BRF1: variants seen among roughly 807,000 people sequenced by gnomAD.
The protein encoded by BRF1 is transcription factor IIIB 90 kDa subunit.
Under a neutral mutation model 81.7 loss-of-function variants are expected in BRF1, and 59 were observed. The ratio of observed to expected loss-of-function variants is 0.72; its 90% CI spans 0.59 to 0.90. The LOEUF (loss-of-function observed/expected upper bound fraction) is 0.90, where lower values mean the gene tolerates loss of function less well. Ranked by LOEUF, BRF1 falls within the 40% of genes least tolerant of loss-of-function variation. The pLI is 0.00. For synonymous variants in BRF1, 491 were observed against 395.6 expected, an observed-to-expected ratio of 1.24 and a Z score of -2.86; for missense variants, 1,050 against 936.3, an observed-to-expected ratio of 1.12 and a Z score of -1.58.
At chr14:105,241,166 C>A (rs1043959545) in intron 6 of BRF1, 99 bp downstream of exon 6, 1 of 1,538,786 alleles carries the variant, frequency 6.5e-7, no homozygotes, top group South Asian at 1.2e-5. Flanking sequence ...TCTCAGTGCT[C>A]TGCAAACATA....
rs118003663 is a variant in BRF1 at position 105,228,925 on chromosome 14, C to T, written c.695-12G>A. The T allele has an allele frequency of 3.6e-3, 5,747 of 1,612,822 alleles. 113 individuals carry two copies. In the East Asian group the frequency reaches 0.04, roughly 11 times the overall value. On this transcript the variant is annotated splice_polypyrimidine_tract_variant and intron_variant, in intron 6 of 17. Transcript: ENST00000547530. ...TGCAACCAGGAGCGCTGGAAGGCAA[C>T]GAGACGGGCCTCGTCAACCACGGCT... is the stretch of plus-strand genomic sequence containing the variant.
chr14:105,219,410 T>C, intron 12 of BRF1, 178 bp from the exon 13 acceptor site: 1 of 1,374,852 alleles, frequency 7.3e-7, no homozygotes. Flanking sequence ...TGGGGACCTG[T>C]TGCTCTGTGG....
At chr14:105,288,446 C>T (rs925441083) in intron 1 of BRF1, among the ~76,000 whole-genome samples, 7 of 147,946 alleles carry the variant, frequency 4.7e-5, no homozygotes, top group Admixed American at 6.8e-5. Context: ...AGCAAGACTC[C>T]GTCTCAAAAA....
At chr14:105,218,592 A>G (rs1055533318) in intron 14 of BRF1, among the ~76,000 whole-genome samples, 11 of 152,194 alleles carry the variant, frequency 7.2e-5, no homozygotes, top group Non-Finnish European at 1.3e-4. Flanking sequence ...ACATTCCGCC[A>G]GAGAGTAAGC....
In BRF1 at chr14:105,210,398, G is replaced by C. The variant is rs1467032286; in HGVS notation, c.*153C>G. Reference sequence around the variant, plus strand: ...AATAGAAACACAATCCCAATGGTAAGTTCCACATGGGACGAGGGCTGTGGG... The same window carrying C: ...AATAGAAACACAATCCCAATGGTAACTTCCACATGGGACGAGGGCTGTGGG... On this transcript the variant is annotated 3_prime_UTR_variant, in exon 18 of 18. Transcript: ENST00000547530. The surrounding 1 kb of genome is among the most constrained non-coding windows in gnomAD (Gnocchi z 4.7). The C allele has an allele frequency of 1.3e-6, 1 of 760,580 alleles. No individual in the cohort carries two copies. The allele number at this position is 760,580 out of a possible 1,614,324, so 47.1% of individuals were successfully genotyped here.
chr14:105,249,153 G>A, intron 5 of BRF1: 1 of 1,570,908 alleles, frequency 6.4e-7, no homozygotes, highest in Non-Finnish European at 8.6e-7. Flanking sequence ...CTCTACCTTT[G>A]CAGGAACGCG....
At chr14:105,229,495 A>T (rs368846087) in intron 6 of BRF1, among the ~76,000 whole-genome samples, 3 of 152,166 alleles carry the variant, frequency 2.0e-5, no homozygotes, top group African/African-American at 7.2e-5. Flanking sequence ...GGCCCTGCCG[A>T]CCTGGGGCTC....
intron 7 of BRF1, chr14:105,227,387 T>G (rs958232915): frequency 6.6e-6 from 1 of 152,534 alleles, no homozygotes; most frequent in Admixed American, 6.5e-5. Flanking sequence ...GCCACTGTAC[T>G]CCAGCCTGGG....
chr14:105,217,760 C>G lies in BRF1; in HGVS notation c.1556G>C (p.Ser519Thr). The G allele has an allele frequency of 6.2e-7, 1 of 1,613,360 alleles. No homozygotes were observed. The highest frequency in any genetic ancestry group is 8.5e-7 in the Non-Finnish European group (1 of 1,179,998). Residue 519 changes from serine (S) to threonine (T), a missense_variant, in exon 15 of 18, where the codon AGT becomes ACT. Coordinates refer to ENST00000547530, the MANE Select transcript of BRF1 (RefSeq NM_001519.4). ...CTTCTCGATGGCCTCCCTGGCGGTA[C>G]TGGCCTGAATTGGCTCCCGTCGCTT... ...SCKRREPIQA[S>T]TAREAIEKML... is the part of the protein sequence containing the mutation.
At chr14:105,304,454 C>T (rs950801945), upstream of BRF1, among the ~76,000 whole-genome samples, 9 of 152,086 alleles carry the variant, frequency 5.9e-5, no homozygotes, top group African/African-American at 1.9e-4. Flanking sequence ...CGTCATTGCA[C>T]TTCAGCCTGG....
At chr14:105,212,722 C>T (rs1211547501) in intron 15 of BRF1, 1 of 154,156 alleles carries the variant, frequency 6.5e-6, no homozygotes, top group Non-Finnish European at 1.4e-5. Flanking sequence ...TTACCCACAA[C>T]CTCCAGCACG....
chr14:105,214,690 G>A (rs1160797436), intron 15 of BRF1, among the ~76,000 whole-genome samples: 6 of 152,324 alleles, frequency 3.9e-5, no homozygotes, highest in African/African-American at 1.4e-4. Flanking sequence ...GCTCAGGCTG[G>A]TTCCCCCACA....
At chr14:105,216,228 G>A (rs587744823) in intron 15 of BRF1, among the ~76,000 whole-genome samples, 1 of 152,222 alleles carries the variant, frequency 6.6e-6, no homozygotes, top group Non-Finnish European at 1.5e-5. Context: ...TGTGACAGAG[G>A]GGGCTGTGAA....
At chr14:105,292,519 T>A (rs1407775942) in intron 1 of BRF1, among the ~76,000 whole-genome samples, 2 of 152,176 alleles carry the variant, frequency 1.3e-5, no homozygotes, top group African/African-American at 4.8e-5. Flanking sequence ...GACTGGAAAC[T>A]TCTTTTAAGG....
Position 105,250,958 on chromosome 14 carries a change from G to A in BRF1, c.544+1549C>T, listed in dbSNP as rs147788065. Reference sequence around the variant, plus strand: ...TGGCACCCATGCCACCTGCTTTGAGGGGTTGGATCTTCCTGCTACCCTCTT... The same window carrying A: ...TGGCACCCATGCCACCTGCTTTGAGAGGTTGGATCTTCCTGCTACCCTCTT... On this transcript the variant is annotated intron_variant, in intron 5 of 17. Coordinates refer to ENST00000547530, the MANE Select transcript of BRF1 (RefSeq NM_001519.4). 9 of 410,910 alleles carry A rather than the reference G, an allele frequency of 2.2e-5. No individual in the cohort carries two copies. The East Asian group carries it at 3.3e-4, about 15-fold the overall frequency. The allele number at this position is 410,910 out of a possible 1,614,324, so 25.5% of individuals were successfully genotyped here. A position where few individuals can be genotyped will look rare whatever the true frequency, so the allele number is the denominator to read the frequency against.
At chr14:105,267,896 C>G (rs2056490691) in intron 3 of BRF1, among the ~76,000 whole-genome samples, 1 of 151,720 alleles carries the variant, frequency 6.6e-6, no homozygotes, top group Admixed American at 6.5e-5. Flanking sequence ...GTTCTGCAGC[C>G]TGAGAGAGGA....
upstream of BRF1, among the ~76,000 whole-genome samples, chr14:105,301,590 C>T (rs1467326518): frequency 6.6e-6 from 1 of 152,222 alleles, no homozygotes; most frequent in Non-Finnish European, 1.5e-5. Context: ...CCCCGCCCTC[C>T]GCATTTGCGG....
intron 10 of BRF1, among the ~76,000 whole-genome samples, chr14:105,224,384 C>G (rs1303371804): frequency 6.6e-6 from 1 of 152,106 alleles, no homozygotes; most frequent in East Asian, 1.9e-4. Context: ...AGAAAAAGTC[C>G]ATGTGTAACT....
rs587679014 is a variant in BRF1, at chr14:105,211,123, G to A, written c.1995C>T (p.Asn665=). ...TCCCTGTTGTCGGGCCCCACCCACC[G>A]TTGCTGCCCATCATCTGCAGGGCAC... The part of the protein sequence containing the change: ...CVSALQMMGS[N]DYGCDGDEDD... The change falls in exon 17 of 18, where the codon AAC becomes AAT. Residue 665 remains asparagine (N), a splice_region_variant and synonymous_variant. Transcript: ENST00000547530. 2.7e-5 allele frequency: 43 copies of A among 1,612,206 alleles called. No individual in the cohort carries two copies. Among genetic ancestry groups the A allele is most frequent in the Admixed American group, 5.0e-5 (3 of 59,994 alleles).
Sources: gnomAD v4.1 joint callset for allele counts (sites outside exome capture counted in the v4.1 genomes callset) on GRCh38, gnomAD v4.1.1 for gene constraint, Gnocchi (gnomAD v3.1) non-coding constraint, MANE v1.5 for transcripts, NCBI Gene and HGNC (gene_info 2026-07-23, HGNC 2026-07-21) for gene names.